The following STXBP4 variants were observed in gnomAD, a reference collection of about 807,000 sequenced individuals.
The protein encoded by STXBP4 is syntaxin binding protein 4, also known as syntaxin-binding protein 4.
Under a neutral mutation model 76.1 loss-of-function variants are expected in STXBP4, and 55 were observed. The ratio of observed to expected loss-of-function variants is 0.72; its 90% CI spans 0.58 to 0.91. STXBP4 has a LOEUF of 0.91. Among genes scored for constraint, STXBP4 ranks in the 40% least tolerant of loss-of-function variants. STXBP4 has a pLI of 0.00. For synonymous variants in STXBP4, 201 were observed against 220.2 expected (o/e 0.91, Z 0.77); for missense variants, 618 against 636.9 (o/e 0.97, Z 0.32).
At chr17:55,068,648 G>T (rs996804121) in intron 12 of STXBP4, among the ~76,000 whole-genome samples, 2 of 152,086 alleles carry the variant, frequency 1.3e-5, no homozygotes, top group African/African-American at 4.8e-5. Flanking sequence ...AGGTGATTAT[G>T]TATATTTTTT....
chr17:55,137,034 A>T (rs536433575), intron 16 of STXBP4, among the ~76,000 whole-genome samples: 10 of 152,180 alleles, frequency 6.6e-5, no homozygotes, highest in Non-Finnish European at 1.0e-4. Context: ...CTAAGCTAGA[A>T]TGGTAGCTGT....
intron 16 of STXBP4, among the ~76,000 whole-genome samples, chr17:55,084,742 C>T (rs975106885): frequency 2.0e-5 from 3 of 152,092 alleles, no homozygotes; most frequent in Non-Finnish European, 2.9e-5. Flanking sequence ...ATAGAGAATC[C>T]TTTCCCCATT....
the STXBP4 span, among the ~76,000 whole-genome samples, chr17:55,179,336 G>A: frequency 0.064 from 9,682 of 152,128 alleles, 492 homozygotes; most frequent in Non-Finnish European, 0.084. Context: ...AAAGGAGGGG[G>A]CCTAATTAAC....
chr17:55,203,413 T>A, the STXBP4 span, among the ~76,000 whole-genome samples: 1 of 151,982 alleles, frequency 6.6e-6, no homozygotes. Context: ...GATGTCATTT[T>A]AAAAAAACGA....
At chr17:55,200,986 C>T in the STXBP4 span, among the ~76,000 whole-genome samples, 18 of 152,182 alleles carry the variant, frequency 1.2e-4, no homozygotes, top group Admixed American at 4.6e-4. Flanking sequence ...GGAGACTCAT[C>T]CATATTTTTT....
intron 17 of STXBP4, among the ~76,000 whole-genome samples, chr17:55,141,594 G>C (rs1490823440): frequency 5.9e-5 from 9 of 152,146 alleles, no homozygotes; most frequent in African/African-American, 1.9e-4. Context: ...TCAAAAAATT[G>C]GAACAGGATC....
At chr17:55,059,229 G>T (rs2078967672) in intron 12 of STXBP4, among the ~76,000 whole-genome samples, 1 of 151,842 alleles carries the variant, frequency 6.6e-6, no homozygotes, top group Non-Finnish European at 1.5e-5. Flanking sequence ...TGTAACTCAG[G>T]CTGATTGCAT....
intron 16 of STXBP4, among the ~76,000 whole-genome samples, chr17:55,084,420 A>C (rs1294241856): frequency 1.3e-5 from 2 of 151,916 alleles, no homozygotes; most frequent in Admixed American, 1.3e-4. Flanking sequence ...ATTTTCTCCC[A>C]TTTTGTAGGT....
chr17:55,147,558 G>T (rs1319927843), intron 17 of STXBP4, among the ~76,000 whole-genome samples: 2 of 152,170 alleles, frequency 1.3e-5, no homozygotes, highest in Non-Finnish European at 2.9e-5. Flanking sequence ...AATTTGGCTT[G>T]TAATTCTCCA....
intron 10 of STXBP4, among the ~76,000 whole-genome samples, chr17:55,035,752 C>A (rs1365253101): frequency 6.6e-6 from 1 of 151,912 alleles, no homozygotes; most frequent in Non-Finnish European, 1.5e-5. Context: ...CATGCCAGCT[C>A]TGTCCCTTAT....
Position 55,127,619 on chromosome 17 carries a change from T to C in STXBP4, c.1490-13691T>C, listed in dbSNP as rs78025065. Among the ~76,000 whole-genome samples the C allele has an allele frequency of 5.9e-3, 894 of 152,350 alleles. 6 individuals carry two copies. Among genetic ancestry groups the C allele is most frequent in the Non-Finnish European group, 9.6e-3 (654 of 68,026 alleles). ...TTAAGTTTATAACTCTTTAATGTAA[T>C]GATTATTGAGTTATCTAACTTCATG... On this transcript the variant is annotated intron_variant, in intron 16 of 17. Transcript: ENST00000376352.
chr17:55,138,455 C>T (rs932397517), intron 16 of STXBP4, among the ~76,000 whole-genome samples: 1 of 152,048 alleles, frequency 6.6e-6, no homozygotes, highest in East Asian at 1.9e-4. Flanking sequence ...GTGTTTAAGA[C>T]TCTTACTTTG....
chr17:55,181,229 G>A, the STXBP4 span, among the ~76,000 whole-genome samples: 1 of 152,110 alleles, frequency 6.6e-6, no homozygotes, highest in Admixed American at 6.5e-5. Flanking sequence ...AACTACCAAG[G>A]TGCTTAGCAA....
chr17:55,093,690 A>G (rs1351186399), intron 16 of STXBP4, among the ~76,000 whole-genome samples: 2 of 152,226 alleles, frequency 1.3e-5, no homozygotes, highest in Non-Finnish European at 2.9e-5. Flanking sequence ...TGCCAGCAAC[A>G]AGAGAAATAA....
At chr17:55,082,878 A>G (rs947821756) in intron 16 of STXBP4, among the ~76,000 whole-genome samples, 2 of 152,210 alleles carry the variant, frequency 1.3e-5, no homozygotes, top group Middle Eastern at 6.3e-3. Flanking sequence ...GCTATATTAT[A>G]TTCTTGAAAT....
In STXBP4 at chr17:54,984,339, CTTTTTTT is replaced by C. The variant is rs60222961; in HGVS notation, c.-156-1260_-156-1254del. Reference sequence around the variant, plus strand: ...CTCTGGGACTCTCTTTTTCTTTTTTCTTTTTTTTTTTTTTTTTTTTTGAGACGGAGTC... The same window carrying C: ...CTCTGGGACTCTCTTTTTCTTTTTTCTTTTTTTTTTTTTTGAGACGGAGTC... On this transcript the variant is annotated intron_variant, in intron 1 of 17. Coordinates refer to ENST00000376352, the MANE Select transcript of STXBP4 (RefSeq NM_178509.6). Among the ~76,000 whole-genome samples, 27 of 81,202 alleles carry C rather than the reference CTTTTTTT, an allele frequency of 3.3e-4. 1 individual carries two copies. The East Asian group carries it at 4.4e-3, about 13-fold the overall frequency. 53.3% of individuals were successfully genotyped at this position (81,202 alleles called of 152,430 possible).
chr17:55,034,716 G>A (rs2078568618), intron 10 of STXBP4, among the ~76,000 whole-genome samples: 1 of 151,942 alleles, frequency 6.6e-6, no homozygotes. Flanking sequence ...ATTACCAGAT[G>A]CTCTCCTGCC....
intron 12 of STXBP4, 31 bp downstream of exon 12, chr17:55,047,185 CGTGTGTGTGT>C (rs34336794): frequency 2.1e-4 from 168 of 807,316 alleles, no homozygotes; most frequent in Middle Eastern, 9.3e-4. Flanking sequence ...TATATGTGCT[CGTGTGTGTGT>C]GTGTGTGTGT....
intron 17 of STXBP4, among the ~76,000 whole-genome samples, chr17:55,158,609 G>C (rs2080306268): frequency 6.6e-6 from 1 of 152,210 alleles, no homozygotes. Context: ...ACCAGGTTAA[G>C]AGCATGATTT....
Sources: gnomAD v4.1 joint callset for allele counts (sites outside exome capture counted in the v4.1 genomes callset) on GRCh38, gnomAD v4.1.1 for gene constraint, MANE v1.5 for transcripts, NCBI Gene and HGNC (gene_info 2026-07-23, HGNC 2026-07-21) for gene names.